Variants in MALRD1 observed in about 807,000 individuals in gnomAD.
MALRD1 encodes the protein MAM and LDL receptor class A domain containing 1, also known as MAM and LDL-receptor class A domain-containing protein 1.
A neutral mutation model predicts 242.1 loss-of-function variants in MALRD1; 247 were observed. That is an observed-to-expected ratio of 1.02 (90% CI 0.92 to 1.13). The LOEUF is 1.13. Among genes scored for constraint, MALRD1 ranks in the 50% most tolerant of loss-of-function variants. MALRD1 has a pLI of 0.00. For missense variants in MALRD1, 2,989 were observed against 2,533.1 expected (o/e 1.18, Z -3.86); for synonymous variants, 995 against 866.6 (o/e 1.15, Z -2.60).
intron 21 of MALRD1, among the ~76,000 whole-genome samples, chr10:19,297,056 C>T (rs959199933): frequency 5.3e-5 from 8 of 150,710 alleles, no homozygotes; most frequent in African/African-American, 1.9e-4. Flanking sequence ...CATTTAGTGC[C>T]TCAACTCTTT....
At chr10:19,686,765 G>T (rs766041281) in intron 36 of MALRD1, among the ~76,000 whole-genome samples, 1 of 152,112 alleles carries the variant, frequency 6.6e-6, no homozygotes. Context: ...ATTTGTGGAG[G>T]GTAGGGAGTG....
intron 21 of MALRD1, among the ~76,000 whole-genome samples, chr10:19,313,311 T>G (rs1359525528): frequency 9.7e-6 from 1 of 102,982 alleles, no homozygotes; most frequent in African/African-American, 3.6e-5. Flanking sequence ...TTATTAATAT[T>G]AAATGAATAT....
At chr10:19,689,417 A>T (rs1842731008) in intron 36 of MALRD1, among the ~76,000 whole-genome samples, 1 of 152,186 alleles carries the variant, frequency 6.6e-6, no homozygotes, top group African/African-American at 2.4e-5. Flanking sequence ...TAATGTAATA[A>T]ACATCACGTG....
At chr10:19,393,182 A>G (rs1032777518) in intron 28 of MALRD1, among the ~76,000 whole-genome samples, 1 of 152,138 alleles carries the variant, frequency 6.6e-6, no homozygotes, top group Non-Finnish European at 1.5e-5. Context: ...TCTGAATTTT[A>G]TAATAGTTCA....
At chr10:19,350,740 A>G (rs1844337239) in intron 25 of MALRD1, among the ~76,000 whole-genome samples, 1 of 152,350 alleles carries the variant, frequency 6.6e-6, no homozygotes, top group Middle Eastern at 3.4e-3. Flanking sequence ...TTACTGAGAC[A>G]TAAAACATAT....
intron 36 of MALRD1, among the ~76,000 whole-genome samples, chr10:19,679,508 C>G (rs374124171): frequency 6.6e-6 from 1 of 151,912 alleles, no homozygotes; most frequent in Non-Finnish European, 1.5e-5. Flanking sequence ...TGTGATATCC[C>G]CTTCATCATT....
chr10:19,514,180 A>G (rs1386201301), intron 31 of MALRD1, among the ~76,000 whole-genome samples: 1 of 152,248 alleles, frequency 6.6e-6, no homozygotes, highest in Non-Finnish European at 1.5e-5. Flanking sequence ...GCAACTGGCA[A>G]GAAAATTTTG....
rs1162359437 is a variant in MALRD1, at chr10:19,501,967, T to G, written c.5320+3321T>G. ...TGGCTTGAGCCCATGAGATTGAGGC[T>G]GCAGTGTCGTGTTTACTCCATTGCA... is the stretch of plus-strand genomic sequence containing the variant. On this transcript the variant is annotated intron_variant, in intron 31 of 39. Coordinates refer to ENST00000454679, the MANE Select transcript of MALRD1 (RefSeq NM_001142308.3). Among the ~76,000 whole-genome samples the G allele has an allele frequency of 4.8e-5, 7 of 146,170 alleles. 1 individual carries two copies. In the East Asian group the frequency reaches 1.2e-3, roughly 25 times the overall value.
intron 28 of MALRD1, among the ~76,000 whole-genome samples, chr10:19,440,685 A>G (rs528285639): frequency 3.3e-5 from 5 of 152,216 alleles, no homozygotes; most frequent in African/African-American, 1.2e-4. Flanking sequence ...ATCCTTTTTT[A>G]TCACTGCATA....
chr10:19,719,209 TATACACATACATAC>T (rs1564567300), intron 38 of MALRD1, among the ~76,000 whole-genome samples: 4 of 37,090 alleles, frequency 1.1e-4, no homozygotes, highest in African/African-American at 7.2e-4. Flanking sequence ...TATATATATA[TATACACATACATAC>T]ATATATATAT....
At chr10:19,693,801 C>T (rs1263567576) in intron 38 of MALRD1, among the ~76,000 whole-genome samples, 1 of 152,166 alleles carries the variant, frequency 6.6e-6, no homozygotes, top group Admixed American at 6.5e-5. Flanking sequence ...AAGCTGGAGG[C>T]ATCACGCTAC....
chr10:19,168,381 G>A (rs529482614), intron 13 of MALRD1, among the ~76,000 whole-genome samples: 53 of 152,266 alleles, frequency 3.5e-4, no homozygotes, highest in Non-Finnish European at 5.9e-4. Context: ...TTTGCTTTTA[G>A]TTAGAATGAA....
At chr10:19,388,935 G>A (rs921277989) in intron 27 of MALRD1, among the ~76,000 whole-genome samples, 19 of 145,082 alleles carry the variant, frequency 1.3e-4, no homozygotes, top group Non-Finnish European at 2.4e-4. Context: ...CAAGACAAAA[G>A]TCTCATTCAA....
intron 28 of MALRD1, among the ~76,000 whole-genome samples, chr10:19,433,936 G>T (rs144257089): frequency 5.3e-5 from 8 of 152,000 alleles, no homozygotes; most frequent in Admixed American, 2.6e-4. Flanking sequence ...TGTGTTTGTG[G>T]GAATGAAAGA....
intron 18 of MALRD1, among the ~76,000 whole-genome samples, chr10:19,214,107 G>T (rs1477974936): frequency 2.0e-5 from 3 of 152,086 alleles, no homozygotes. Context: ...GTACTTTAGG[G>T]GGACCCTTTG....
At chr10:19,102,346 A>C (rs1836297041) in intron 4 of MALRD1, among the ~76,000 whole-genome samples, 1 of 151,900 alleles carries the variant, frequency 6.6e-6, no homozygotes, top group African/African-American at 2.4e-5. Context: ...AAGTAGTTAC[A>C]CTTATTTTTG....
intron 17 of MALRD1, among the ~76,000 whole-genome samples, chr10:19,206,352 A>G (rs1255791415): frequency 2.0e-5 from 3 of 152,178 alleles, no homozygotes; most frequent in South Asian, 2.1e-4. Context: ...TTACACACCA[A>G]TATTTGAGTG....
intron 13 of MALRD1, among the ~76,000 whole-genome samples, chr10:19,169,187 G>A (rs534642823): frequency 6.6e-6 from 1 of 152,108 alleles, no homozygotes; most frequent in South Asian, 2.1e-4. Flanking sequence ...CTCCCAGAGG[G>A]TGTCGTGTAA....
intron 29 of MALRD1, among the ~76,000 whole-genome samples, chr10:19,473,757 C>G (rs1239553421): frequency 6.6e-6 from 1 of 152,100 alleles, no homozygotes; most frequent in Non-Finnish European, 1.5e-5. Context: ...TGCCTTTTGA[C>G]TATTGTGAAA....
Sources: allele counts gnomAD v4.1 joint callset (sites outside exome capture counted in the v4.1 genomes callset), GRCh38; gene constraint gnomAD v4.1.1; transcripts MANE v1.5; gene names NCBI Gene and HGNC (gene_info 2026-07-23, HGNC 2026-07-21).